Variants in FGD6 observed in about 807,000 individuals in gnomAD.
The protein encoded by FGD6 is FYVE, RhoGEF and PH domain-containing protein 6.
Under a neutral mutation model 149.4 loss-of-function variants are expected in FGD6, and 90 were observed. The observed-to-expected ratio is 0.60, with a 90% CI of 0.51 to 0.72. The LOEUF is 0.72. Ranked by LOEUF, FGD6 falls within the 30% of genes least tolerant of loss-of-function variation. The pLI is 0.00. For missense variants in FGD6, 1,437 were observed against 1,684.8 expected (o/e 0.85, Z 2.57); for synonymous variants, 527 against 584.0 (o/e 0.90, Z 1.41).
intron 19 of FGD6, among the ~76,000 whole-genome samples, chr12:95,085,111 A>G (rs1254106104): frequency 6.6e-6 from 1 of 152,214 alleles, no homozygotes; most frequent in Non-Finnish European, 1.5e-5. Context: ...TAATCCAAAA[A>G]AGCCTATCTT....
At chr12:95,099,978 T>C (rs990608698) in intron 14 of FGD6, among the ~76,000 whole-genome samples, 1 of 151,950 alleles carries the variant, frequency 6.6e-6, no homozygotes, top group African/African-American at 2.4e-5. Context: ...CTCCCTGGTA[T>C]GTCTTTTGTT....
chr12:95,103,309 G>A (rs1878509128), intron 14 of FGD6, among the ~76,000 whole-genome samples: 1 of 152,182 alleles, frequency 6.6e-6, no homozygotes, highest in South Asian at 2.1e-4. Flanking sequence ...TTTAGATTGT[G>A]CAGTGGAGCA....
chr12:95,181,933 G>A (rs1248763389), intron 2 of FGD6, among the ~76,000 whole-genome samples: 12 of 138,766 alleles, frequency 8.6e-5, no homozygotes, highest in African/African-American at 3.3e-4. Context: ...GACACAGCGA[G>A]ATTCTCTCAA....
chr12:95,151,515 G>A (rs551103385), intron 5 of FGD6, among the ~76,000 whole-genome samples: 6 of 152,218 alleles, frequency 3.9e-5, no homozygotes, highest in Non-Finnish European at 7.4e-5. Context: ...TGATCTACCC[G>A]CTTCAGCCTC....
chr12:95,158,456 T>C (rs1880543381), intron 3 of FGD6, among the ~76,000 whole-genome samples: 1 of 151,968 alleles, frequency 6.6e-6, no homozygotes, highest in Admixed American at 6.6e-5. Context: ...ATTAGAGGCA[T>C]GATCACTCAC....
chr12:95,107,726 C>A, intron 11 of FGD6, 95 bp from the exon 12 acceptor site: 1 of 1,300,948 alleles, frequency 7.7e-7, no homozygotes, highest in Non-Finnish European at 1.1e-6. Context: ...GAATTTTTTT[C>A]ATGACAGACT....
intron 3 of FGD6, among the ~76,000 whole-genome samples, chr12:95,160,477 A>G (rs1045780288): frequency 6.6e-6 from 1 of 152,170 alleles, no homozygotes; most frequent in Non-Finnish European, 1.5e-5. Flanking sequence ...AAAATAGCTC[A>G]GAGCAAACTG....
rs144519480 is a variant in FGD6, at chr12:95,084,428, T to G, written c.4256+70A>C. 3.5e-3 allele frequency: 4,659 copies of G among 1,345,602 alleles called. 14 individuals are homozygous for G. Among genetic ancestry groups the G allele is most frequent in the Middle Eastern group, 8.4e-3 (43 of 5,112 alleles). 83.4% of individuals were successfully genotyped at this position (1,345,602 alleles called of 1,614,324 possible). A position where few individuals can be genotyped will look rare whatever the true frequency, so the allele number is the denominator to read the frequency against. ...AGTTGTCCCCATGCCTTAAAGTAGG[T>G]CATTTTACAAGCAACCATTAAAAAA... On this transcript the variant is annotated intron_variant, in intron 20 of 20. Transcript: ENST00000343958.
intron 13 of FGD6, 42 bp downstream of exon 13, chr12:95,106,912 C>T (rs772505315): frequency 7.3e-7 from 1 of 1,377,710 alleles, no homozygotes; most frequent in South Asian, 1.2e-5. Context: ...CAAAACAAAA[C>T]AAAACAAAAC....
intron 8 of FGD6, among the ~76,000 whole-genome samples, chr12:95,131,459 T>C (rs764063402): frequency 6.6e-6 from 1 of 152,084 alleles, no homozygotes; most frequent in African/African-American, 2.4e-5. Context: ...CCTGAACAGC[T>C]TCAACATATC....
At chr12:95,163,185 A>G (rs1160544583) in intron 3 of FGD6, among the ~76,000 whole-genome samples, 1 of 151,850 alleles carries the variant, frequency 6.6e-6, no homozygotes, top group African/African-American at 2.4e-5. Flanking sequence ...CACACTGTGT[A>G]CTCTCTAACC....
At chr12:95,165,153 C>G (rs376863896) in intron 3 of FGD6, among the ~76,000 whole-genome samples, 3 of 152,222 alleles carry the variant, frequency 2.0e-5, no homozygotes, top group South Asian at 4.1e-4. Flanking sequence ...TTCACCTCAA[C>G]ATGTTTCATT....
chr12:95,114,439 C>T (rs1048135315), intron 8 of FGD6, among the ~76,000 whole-genome samples: 7 of 120,288 alleles, frequency 5.8e-5, no homozygotes, highest in Non-Finnish European at 1.0e-4. Context: ...AACCCCATCT[C>T]TACTACACAC....
intron 14 of FGD6, among the ~76,000 whole-genome samples, chr12:95,095,341 C>A (rs892540579): frequency 6.6e-6 from 1 of 151,936 alleles, no homozygotes; most frequent in African/African-American, 2.4e-5. Context: ...TGGGAATGGG[C>A]CAAATAGGGG....
At chr12:95,208,270 T>A (rs1230398400) in intron 2 of FGD6, among the ~76,000 whole-genome samples, 22 of 152,040 alleles carry the variant, frequency 1.4e-4, no homozygotes, top group Admixed American at 1.3e-3. Flanking sequence ...AATTTTTTTT[T>A]AATTAAATTA....
At chr12:95,150,243 T>C (rs1199397547) in intron 5 of FGD6, among the ~76,000 whole-genome samples, 1 of 152,026 alleles carries the variant, frequency 6.6e-6, no homozygotes, top group Non-Finnish European at 1.5e-5. Context: ...GGTCAGGCTG[T>C]CTCGAACTCC....
At chr12:95,107,210 A>G (rs991694984) in intron 12 of FGD6, among the ~76,000 whole-genome samples, 173 bp from the exon 13 acceptor site, 8 of 152,188 alleles carry the variant, frequency 5.3e-5, no homozygotes, top group Admixed American at 5.2e-4. Flanking sequence ...TTATTAGAAT[A>G]TAATTTAAAA....
intron 1 of FGD6, among the ~76,000 whole-genome samples, 168 bp downstream of exon 1, chr12:95,217,057 G>C (rs1428121115): frequency 6.6e-6 from 1 of 152,228 alleles, no homozygotes; most frequent in Non-Finnish European, 1.5e-5. Flanking sequence ...GGCAGGAAAA[G>C]ACGAGAAAGC....
At chr12:95,142,877 T>C (rs1031659848) in intron 5 of FGD6, among the ~76,000 whole-genome samples, 2 of 152,176 alleles carry the variant, frequency 1.3e-5, no homozygotes, top group South Asian at 4.1e-4. Flanking sequence ...CATTTACTGT[T>C]CTCTAGACTA....
Sources: gnomAD v4.1 joint callset for allele counts (sites outside exome capture counted in the v4.1 genomes callset) on GRCh38, gnomAD v4.1.1 for gene constraint, MANE v1.5 for transcripts, NCBI Gene and HGNC (gene_info 2026-07-23, HGNC 2026-07-21) for gene names.